Variants in EFHB observed in about 807,000 individuals in gnomAD.
The protein encoded by EFHB is EF-hand domain family member B.
In EFHB, 91 loss-of-function variants were observed where a neutral mutation model predicts 87.2. That is an observed-to-expected ratio of 1.04 (90% CI 0.88 to 1.24). The LOEUF is 1.24. Among genes scored for constraint, EFHB ranks in the 50% most tolerant of loss-of-function variants. The pLI is 0.00. For synonymous variants in EFHB, 325 were observed against 333.6 expected, an observed-to-expected ratio of 0.97 and a Z score of 0.28; for missense variants, 1,084 against 998.8, an observed-to-expected ratio of 1.09 and a Z score of -1.15.
At chr3:19,881,135 A>G (rs1349606353) in intron 12 of EFHB, among the ~76,000 whole-genome samples, 1 of 152,212 alleles carries the variant, frequency 6.6e-6, no homozygotes, top group African/African-American at 2.4e-5. Flanking sequence ...AACTGCAGCT[A>G]TAAAGCAAAA....
chr3:19,904,771 T>G (rs1694782902), intron 6 of EFHB, among the ~76,000 whole-genome samples: 1 of 152,162 alleles, frequency 6.6e-6, no homozygotes. Flanking sequence ...GTAACATTCA[T>G]AGGTTCTGGC....
chr3:19,889,098 A>G (rs1694212198), intron 9 of EFHB, among the ~76,000 whole-genome samples: 1 of 152,366 alleles, frequency 6.6e-6, no homozygotes, highest in Admixed American at 6.5e-5. Context: ...CCCCATTGAA[A>G]CAAGTAACAC....
intron 1 of EFHB, among the ~76,000 whole-genome samples, chr3:19,944,705 A>C (rs1407017184): frequency 4.6e-5 from 7 of 152,244 alleles, no homozygotes; most frequent in Non-Finnish European, 7.3e-5. Flanking sequence ...ACGAGTGAAG[A>C]AGCAACATAC....
intron 1 of EFHB, among the ~76,000 whole-genome samples, chr3:19,931,837 T>C (rs987471400): frequency 6.6e-6 from 1 of 152,222 alleles, no homozygotes; most frequent in Non-Finnish European, 1.5e-5. Context: ...GAACAAGATA[T>C]AGTCCTTGCC....
chr3:19,901,226 A>C (rs961418959), intron 6 of EFHB, among the ~76,000 whole-genome samples: 1 of 152,262 alleles, frequency 6.6e-6, no homozygotes, highest in Admixed American at 6.5e-5. Flanking sequence ...TAATGGCTGA[A>C]TTAAAGTGAA....
At chr3:19,895,405 C>T (rs145721893) in intron 9 of EFHB, among the ~76,000 whole-genome samples, 9,503 of 150,542 alleles carry the variant, frequency 0.063, 947 homozygotes, top group African/African-American at 0.21. Flanking sequence ...GGCGTGAACC[C>T]GGGAGGCGGA....
chr3:19,937,717 G>A (rs766397842), upstream of EFHB, among the ~76,000 whole-genome samples: 2 of 152,026 alleles, frequency 1.3e-5, no homozygotes, highest in South Asian at 4.1e-4. Flanking sequence ...CCAGTACCAA[G>A]AGTCTGAGTC....
In EFHB at chr3:19,879,501, A is replaced by T. The variant is rs1463255386; in HGVS notation, c.*130T>A. ...AAAATCCAAAATCTAATTTATTAGC[A>T]ACACATACAGGCATATGAGTCTTAC... On this transcript the variant is annotated 3_prime_UTR_variant, in exon 13 of 13. Coordinates refer to ENST00000295824, the MANE Select transcript of EFHB (RefSeq NM_144715.4). 6.4e-6 allele frequency: 6 copies of T among 934,040 alleles called. No homozygotes were observed. Among genetic ancestry groups the T allele is most frequent in the Non-Finnish European group, 9.0e-6 (6 of 665,416 alleles). The allele number at this position is 934,040 out of a possible 1,614,324, so 57.9% of individuals were successfully genotyped here.
chr3:19,898,993 T>C, intron 7 of EFHB, 148 bp from the exon 8 acceptor site: 1 of 711,006 alleles, frequency 1.4e-6, no homozygotes, highest in South Asian at 2.0e-5. Context: ...AATAGATCTT[T>C]TGTCTGATCT....
intron 1 of EFHB, among the ~76,000 whole-genome samples, chr3:19,925,260 ATAGAGT>A (rs1351257449): frequency 1.3e-5 from 2 of 151,432 alleles, no homozygotes; most frequent in East Asian, 1.9e-4. Context: ...AAAAAAAAAA[ATAGAGT>A]TAGGAAATGT....
rs532313905 is a variant in EFHB, at chr3:19,920,566, G to C, written c.791C>G (p.Ala264Gly). The C allele has an allele frequency of 3.2e-5, 51 of 1,592,222 alleles. No homozygotes were observed. Among genetic ancestry groups the C allele is most frequent in the Non-Finnish European group, 4.0e-5 (47 of 1,172,250 alleles). ...GTAACCAACTGGAATAACTTTTCCTGCCTTTGGGGGAAAAAAATGGGTTGA... is the reference window on the plus strand; with the variant it reads ...GTAACCAACTGGAATAACTTTTCCTCCCTTTGGGGGAAAAAAATGGGTTGA... ...FFDRTPCWPSAGKVIPVGYRV... is the reference protein window; with the variant it reads ...FFDRTPCWPSGGKVIPVGYRV... Residue 264 changes from alanine (A) to glycine (G), a missense_variant and splice_region_variant, in exon 2 of 13, where the codon GCA becomes GGA. Coordinates refer to ENST00000295824, the MANE Select transcript of EFHB (RefSeq NM_144715.4).
chr3:19,929,921 G>T (rs1695772808), intron 1 of EFHB, among the ~76,000 whole-genome samples: 1 of 152,074 alleles, frequency 6.6e-6, no homozygotes, highest in South Asian at 2.1e-4. Context: ...TCTCAAATAG[G>T]AATTTGAGAT....
chr3:19,895,878 C>T (rs1212668154), intron 9 of EFHB, among the ~76,000 whole-genome samples: 7 of 152,166 alleles, frequency 4.6e-5, no homozygotes, highest in Admixed American at 1.3e-4. Context: ...TAGTGCTCCT[C>T]AGCATAAGCT....
chr3:19,935,188 C>T (rs1412997409), upstream of EFHB, among the ~76,000 whole-genome samples: 2 of 152,088 alleles, frequency 1.3e-5, no homozygotes. Flanking sequence ...GGATTACAGG[C>T]GTGAGCCACT....
intron 10 of EFHB, among the ~76,000 whole-genome samples, chr3:19,887,450 T>C (rs1038362216): frequency 3.3e-5 from 5 of 151,220 alleles, no homozygotes; most frequent in African/African-American, 7.3e-5. Context: ...TTATATAGTA[T>C]GTTCAGTGTT....
chr3:19,888,330 C>A (rs1475504673), intron 10 of EFHB, 114 bp downstream of exon 10: 3 of 468,220 alleles, frequency 6.4e-6, no homozygotes, highest in Admixed American at 4.7e-5. Flanking sequence ...AGTTCAAGGG[C>A]AAGTAGGACC....
chr3:19,894,521 T>C (rs1473737632), intron 9 of EFHB: 1 of 152,164 alleles, frequency 6.6e-6, no homozygotes, highest in Non-Finnish European at 1.5e-5. Context: ...ATTTGCTCTG[T>C]TGTGTTTGTG....
In EFHB at chr3:19,933,471, T is replaced by C; in HGVS notation, c.548A>G (p.Asn183Ser). Residue 183 changes from asparagine to serine, a missense_variant, in exon 1 of 13, where the codon AAC becomes AGC. Coordinates refer to ENST00000295824, the MANE Select transcript of EFHB (RefSeq NM_144715.4). ...CTCCACAGGAAGCTTAATCTCTGTG[T>C]TGGGTTTCATTAAAACACAGGTAGA... is the stretch of plus-strand genomic sequence containing the variant. Reference protein sequence around the residue: ...KESTCVLMKPNTEIKLPVEVD... With the variant: ...KESTCVLMKPSTEIKLPVEVD... 6.2e-7 allele frequency: 1 copy of C among 1,614,012 alleles called. No homozygotes were observed. Among genetic ancestry groups the C allele is most frequent in the Non-Finnish European group, 8.5e-7 (1 of 1,179,890 alleles).
intron 5 of EFHB, among the ~76,000 whole-genome samples, chr3:19,910,882 G>T (rs1037396758): frequency 6.6e-6 from 1 of 152,244 alleles, no homozygotes. Flanking sequence ...GCAAAAACCA[G>T]TGTTACTGGG....
Sources: gnomAD v4.1 joint callset for allele counts (sites outside exome capture counted in the v4.1 genomes callset) on GRCh38, gnomAD v4.1.1 for gene constraint, MANE v1.5 for transcripts, NCBI Gene and HGNC (gene_info 2026-07-23, HGNC 2026-07-21) for gene names.